Variants in USP10 observed in about 807,000 individuals in gnomAD.
USP10 encodes the protein ubiquitin specific peptidase 10, also known as ubiquitin carboxyl-terminal hydrolase 10.
A neutral mutation model predicts 84.5 loss-of-function variants in USP10; 22 were observed. That is an observed-to-expected ratio of 0.26 (90% confidence interval 0.19 to 0.37). The LOEUF is 0.37. Among genes scored for constraint, USP10 ranks in the 10% least tolerant of loss-of-function variants. The pLI, the probability that USP10 is intolerant of heterozygous loss-of-function variation, is 1.00. For missense variants in USP10, 1,019 were observed against 998.9 expected, an observed-to-expected ratio of 1.02 and a Z score of -0.27; for synonymous variants, 454 against 387.6, an observed-to-expected ratio of 1.17 and a Z score of -2.01.
chr16:84,720,421 T>C (rs910107837), intron 1 of USP10, among the ~76,000 whole-genome samples: 3 of 152,112 alleles, frequency 2.0e-5, no homozygotes, highest in Admixed American at 6.5e-5. Context: ...ATTGTCTTTG[T>C]GTGGAGTTTG....
intron 11 of USP10, among the ~76,000 whole-genome samples, chr16:84,771,609 C>T (rs561038201): frequency 3.3e-5 from 5 of 152,368 alleles, no homozygotes; most frequent in Non-Finnish European, 7.3e-5. Context: ...TGGCTCACGC[C>T]TGTAATCTCA....
chr16:84,755,527 CG>C (rs1912432772), intron 4 of USP10, among the ~76,000 whole-genome samples: 1 of 152,030 alleles, frequency 6.6e-6, no homozygotes, highest in African/African-American at 2.4e-5. Context: ...GGGACCTGTG[CG>C]TATGTTTGTG....
rs1915367873 is a variant in USP10 at position 84,779,689 on chromosome 16, A to G, written c.*607A>G. 1.3e-5 allele frequency: 2 copies of G among 152,766 alleles called. No individual in the cohort carries two copies. Among genetic ancestry groups the G allele is most frequent in the East Asian group, 1.9e-4 (1 of 5,206 alleles). 9.5% of individuals were successfully genotyped at this position (152,766 alleles called of 1,614,324 possible). A position where few individuals can be genotyped will look rare whatever the true frequency, so the allele number is the denominator to read the frequency against. On this transcript the variant is annotated 3_prime_UTR_variant, in exon 14 of 14. Coordinates refer to ENST00000219473, the MANE Select transcript of USP10 (RefSeq NM_005153.3). ...ATATTTGGAGTTAAAATGTTAGTCT[A>G]CATAGATGGGTGATTGTAACTTTAT...
intron 1 of USP10, among the ~76,000 whole-genome samples, chr16:84,717,319 A>G (rs549480604): frequency 4.3e-4 from 66 of 152,042 alleles, no homozygotes; most frequent in African/African-American, 1.5e-3. Context: ...AAGATTAGGA[A>G]TCCTCCCTTT....
At chr16:84,735,197 GT>G (rs1909749304) in intron 2 of USP10, among the ~76,000 whole-genome samples, 3 of 9,826 alleles carry the variant, frequency 3.1e-4, no homozygotes, top group Non-Finnish European at 1.5e-3. Flanking sequence ...GGCCCGGGTG[GT>G]GTGTGTGTGT....
intron 9 of USP10, among the ~76,000 whole-genome samples, chr16:84,763,689 C>T (rs1016198535): frequency 2.6e-5 from 4 of 152,212 alleles, no homozygotes; most frequent in African/African-American, 9.6e-5. Flanking sequence ...GCACCTGTTG[C>T]GATTGGTTGC....
chr16:84,763,593 G>C (rs4782655), intron 9 of USP10, among the ~76,000 whole-genome samples: 19,777 of 152,228 alleles, frequency 0.13, 1,412 homozygotes, highest in East Asian at 0.26. Flanking sequence ...CGGTAATACC[G>C]ACTTTGCAGA....
chr16:84,724,289 T>G (rs1468042932), intron 1 of USP10, among the ~76,000 whole-genome samples: 2 of 152,192 alleles, frequency 1.3e-5, no homozygotes, highest in Non-Finnish European at 2.9e-5. Flanking sequence ...ATTTGGAGAT[T>G]CAATCTGAAT....
At chr16:84,710,843 G>A (rs981484840) in intron 1 of USP10, among the ~76,000 whole-genome samples, 1 of 152,178 alleles carries the variant, frequency 6.6e-6, no homozygotes. Flanking sequence ...GTCTGAGCCA[G>A]GCTCAGGTTG....
chr16:84,753,041 A>C (rs1219716091), intron 4 of USP10, among the ~76,000 whole-genome samples: 1 of 152,040 alleles, frequency 6.6e-6, no homozygotes, highest in Non-Finnish European at 1.5e-5. Flanking sequence ...ATCATAGCTC[A>C]CTGCAGCCTT....
At chr16:84,769,200 G>A (rs1914173417) in intron 11 of USP10, among the ~76,000 whole-genome samples, 1 of 152,132 alleles carries the variant, frequency 6.6e-6, no homozygotes, top group Non-Finnish European at 1.5e-5. Flanking sequence ...GTAAAATAAG[G>A]TGCCCCAACG....
chr16:84,760,947 A>T (rs774720274), intron 8 of USP10, among the ~76,000 whole-genome samples: 15 of 152,362 alleles, frequency 9.8e-5, no homozygotes, highest in Admixed American at 5.2e-4. Flanking sequence ...AGAAAATGCC[A>T]TTTAAGTCAA....
chr16:84,724,046 G>A (rs1380955708), intron 1 of USP10, among the ~76,000 whole-genome samples: 1 of 152,190 alleles, frequency 6.6e-6, no homozygotes, highest in Non-Finnish European at 1.5e-5. Context: ...GGCTATCCCA[G>A]ATAAAGTTGA....
At chr16:84,746,574 G>A (rs138515338) in intron 4 of USP10, among the ~76,000 whole-genome samples, 1 of 152,192 alleles carries the variant, frequency 6.6e-6, no homozygotes, top group East Asian at 1.9e-4. Context: ...ATATAGTACA[G>A]ATATGGTATA....
In USP10 at chr16:84,715,226, G is replaced by C. The variant is rs549384850; in HGVS notation, c.21+15115G>C. The stretch of plus-strand genomic sequence containing the variant: ...ATTACAGGCGTGAGGCACCACTCCC[G>C]GCCCATTTATAAAATATCAATAAGC... On this transcript the variant is annotated intron_variant, in intron 1 of 13. Coordinates refer to ENST00000219473, the MANE Select transcript of USP10 (RefSeq NM_005153.3). 6.6e-5 allele frequency among the ~76,000 whole-genome samples: 10 copies of C among 151,848 alleles called. No homozygotes were observed. The South Asian group carries it at 2.1e-3, about 32-fold the overall frequency.
chr16:84,773,119 C>T (rs546331714), intron 12 of USP10, among the ~76,000 whole-genome samples: 11 of 152,248 alleles, frequency 7.2e-5, no homozygotes, highest in East Asian at 3.9e-4. Flanking sequence ...ACAAATAAGA[C>T]GTGGCACTTA....
chr16:84,774,776 G>A (rs574619032), intron 12 of USP10, among the ~76,000 whole-genome samples: 89 of 152,288 alleles, frequency 5.8e-4, no homozygotes, highest in African/African-American at 2.0e-3. Flanking sequence ...GCCTGTAATT[G>A]AAGTTTTATG....
intron 3 of USP10, among the ~76,000 whole-genome samples, chr16:84,741,671 C>T (rs1910639450): frequency 6.6e-6 from 1 of 152,206 alleles, no homozygotes; most frequent in Non-Finnish European, 1.5e-5. Flanking sequence ...CTAAGTCCTG[C>T]CTTTTTTCTG....
At chr16:84,758,448 A>G (rs1912838458) in intron 4 of USP10, among the ~76,000 whole-genome samples, 2 of 152,238 alleles carry the variant, frequency 1.3e-5, no homozygotes, top group African/African-American at 4.8e-5. Flanking sequence ...TCTCATTAAA[A>G]TAGGTAGTTC....
Sources: allele counts gnomAD v4.1 joint callset (sites outside exome capture counted in the v4.1 genomes callset), GRCh38; gene constraint gnomAD v4.1.1; transcripts MANE v1.5; gene names NCBI Gene and HGNC (gene_info 2026-07-23, HGNC 2026-07-21).